The following PLEKHF2 variants were observed in gnomAD, a reference collection of about 807,000 sequenced individuals.
The protein encoded by PLEKHF2 is pleckstrin homology and FYVE domain containing 2.
In PLEKHF2, 4 loss-of-function variants were observed where a neutral mutation model predicts 14.7. That is an observed-to-expected ratio of 0.27 (90% confidence interval 0.13 to 0.62). PLEKHF2 has a LOEUF of 0.62. Ranked by LOEUF, PLEKHF2 falls within the 20% of genes least tolerant of loss-of-function variation. PLEKHF2 has a pLI of 0.85. For synonymous variants in PLEKHF2, 90 were observed against 103.5 expected (o/e 0.87, Z 0.79); for missense variants, 201 against 307.7 (o/e 0.65, Z 2.60).
chr8:95,153,836 A>T (rs564465585), intron 1 of PLEKHF2, among the ~76,000 whole-genome samples, 195 bp from the exon 2 acceptor site: 1 of 152,268 alleles, frequency 6.6e-6, no homozygotes, highest in East Asian at 1.9e-4. Context: ...GATGATAAAT[A>T]AGTGTTTTTC....
intron 1 of PLEKHF2, among the ~76,000 whole-genome samples, chr8:95,150,427 T>A (rs1810544537): frequency 6.6e-6 from 1 of 152,062 alleles, no homozygotes; most frequent in African/African-American, 2.4e-5. Flanking sequence ...TAAATGAAGA[T>A]AAAAGAATGC....
chr8:95,134,664 G>GC (rs1810356478), intron 1 of PLEKHF2, among the ~76,000 whole-genome samples: 1 of 152,168 alleles, frequency 6.6e-6, no homozygotes, highest in Admixed American at 6.5e-5. Flanking sequence ...GTGATTGAAG[G>GC]CCGAGAGCGC....
intron 1 of PLEKHF2, among the ~76,000 whole-genome samples, chr8:95,152,292 T>C (rs1587310360): frequency 6.6e-6 from 1 of 152,138 alleles, no homozygotes; most frequent in Admixed American, 6.6e-5. Flanking sequence ...GTTTTCCTGT[T>C]ATAAACAATG....
At chr8:95,137,599 G>T (rs1325388046) in intron 1 of PLEKHF2, among the ~76,000 whole-genome samples, 1 of 152,240 alleles carries the variant, frequency 6.6e-6, no homozygotes, top group Non-Finnish European at 1.5e-5. Context: ...TTGTAGTTGA[G>T]TAAAATGCAG....
chr8:95,152,735 G>T (rs536660982), intron 1 of PLEKHF2, among the ~76,000 whole-genome samples: 27 of 152,162 alleles, frequency 1.8e-4, no homozygotes, highest in Non-Finnish European at 3.2e-4. Flanking sequence ...CCCAAGATTT[G>T]CAGGGAGACA....
intron 1 of PLEKHF2, among the ~76,000 whole-genome samples, chr8:95,149,749 TCTC>T (rs1810537470): frequency 6.6e-6 from 1 of 152,196 alleles, no homozygotes; most frequent in South Asian, 2.1e-4. Flanking sequence ...GGGAAAGCTT[TCTC>T]TTAGTTCTTC....
intron 1 of PLEKHF2, among the ~76,000 whole-genome samples, chr8:95,142,886 T>C (rs1319856808): frequency 6.6e-6 from 1 of 152,166 alleles, no homozygotes; most frequent in African/African-American, 2.4e-5. Flanking sequence ...AAGCAGTTGA[T>C]GGGTAGGGTG....
At chr8:95,144,803 G>A (rs1810477540) in intron 1 of PLEKHF2, among the ~76,000 whole-genome samples, 2 of 149,720 alleles carry the variant, frequency 1.3e-5, no homozygotes, top group Admixed American at 6.7e-5. Context: ...GGCAGAGGTT[G>A]CAGTGAGCCG....
chr8:95,151,032 C>T lies in PLEKHF2; in HGVS notation c.-14-2999C>T, dbSNP rs375034070. On this transcript the variant is annotated intron_variant, in intron 1 of 1. Transcript: ENST00000315367. ...CAAAGTGCTCAGCACATTGGTTGGA[C>T]TCCCTATGAGTAGAGTTCATTCCAG... Among the ~76,000 whole-genome samples, 71 of 152,232 alleles carry T rather than the reference C, an allele frequency of 4.7e-4. 1 individual carries two copies. The highest frequency in any genetic ancestry group is 1.6e-3 in the African/African-American group (68 of 41,546).
At chr8:95,145,177 G>T (rs559510797) in intron 1 of PLEKHF2, among the ~76,000 whole-genome samples, 2 of 152,116 alleles carry the variant, frequency 1.3e-5, no homozygotes, top group South Asian at 2.1e-4. Context: ...CTCTAAATGT[G>T]AATCAGAATT....
chr8:95,144,365 C>G (rs1429320756), intron 1 of PLEKHF2, among the ~76,000 whole-genome samples: 1 of 152,098 alleles, frequency 6.6e-6, no homozygotes, highest in African/African-American at 2.4e-5. Flanking sequence ...TACTAGTACC[C>G]TAAATTAGTC....
At chr8:95,151,400 AG>A (rs1321277410) in intron 1 of PLEKHF2, among the ~76,000 whole-genome samples, 1 of 151,340 alleles carries the variant, frequency 6.6e-6, no homozygotes, top group African/African-American at 2.4e-5. Flanking sequence ...TTCCTGTTTT[AG>A]GGCCTTTGCA....
chr8:95,134,401 A>T (rs1363447442), intron 1 of PLEKHF2: 1 of 151,764 alleles, frequency 6.6e-6, no homozygotes, highest in South Asian at 2.1e-4. Context: ...AGGCCGGGCG[A>T]GAAGTTGTGG....
At chr8:95,137,717 C>T (rs1810391328) in intron 1 of PLEKHF2, among the ~76,000 whole-genome samples, 1 of 152,202 alleles carries the variant, frequency 6.6e-6, no homozygotes, top group Non-Finnish European at 1.5e-5. Context: ...GGGTTACATT[C>T]ATTTCTGGCC....
Position 95,154,260 on chromosome 8 carries a change from A to C in PLEKHF2, c.216A>C (p.Lys72Asn), listed in dbSNP as rs1437173199. The C allele has an allele frequency of 6.2e-7, 1 of 1,613,738 alleles. No homozygotes were observed. Among genetic ancestry groups the C allele is most frequent in the African/African-American group, 1.3e-5 (1 of 74,870 alleles). The change falls in exon 2 of 2, where the codon AAA becomes AAC. Residue 72 changes from lysine to asparagine, a missense_variant. Physicochemically the swap from Lys to Asn is moderately conservative, Grantham distance 94 (BLOSUM62 0). Transcript: ENST00000315367. This position sits in a 1 kb window ranked among gnomAD's most constrained non-coding sequence, Gnocchi z 5.6. The part of the protein sequence containing the change: ...LVYGNIVIQK[K>N]KYNKQHIIPL... ...ATGGCAATATTGTCATCCAGAAGAA[A>C]AAATATAACAAACAACATATTATTC...
intron 1 of PLEKHF2, among the ~76,000 whole-genome samples, chr8:95,146,769 G>T (rs1366174575): frequency 6.6e-6 from 1 of 151,652 alleles, no homozygotes; most frequent in African/African-American, 2.4e-5. Flanking sequence ...CGTTTTAACT[G>T]TGAATTAACA....
intron 1 of PLEKHF2, among the ~76,000 whole-genome samples, chr8:95,151,233 T>C (rs1163846999): frequency 2.6e-5 from 4 of 152,250 alleles, no homozygotes; most frequent in Middle Eastern, 3.4e-3. Flanking sequence ...ACAGTACAAA[T>C]TTATGATAGT....
At chr8:95,140,468 A>T (rs537542832) in intron 1 of PLEKHF2, among the ~76,000 whole-genome samples, 1 of 152,098 alleles carries the variant, frequency 6.6e-6, no homozygotes, top group African/African-American at 2.4e-5. Flanking sequence ...TTGTCTTCCC[A>T]TGGCCTGTGT....
At chr8:95,139,720 C>T (rs1330005334) in intron 1 of PLEKHF2, among the ~76,000 whole-genome samples, 2 of 152,050 alleles carry the variant, frequency 1.3e-5, no homozygotes, top group Non-Finnish European at 2.9e-5. Context: ...ACCCCCTCCA[C>T]CCCCTTTCTC....
Sources: gnomAD v4.1 joint callset for allele counts (sites outside exome capture counted in the v4.1 genomes callset) on GRCh38, gnomAD v4.1.1 for gene constraint, Gnocchi (gnomAD v3.1) non-coding constraint, MANE v1.5 for transcripts, NCBI Gene and HGNC (gene_info 2026-07-23, HGNC 2026-07-21) for gene names.